GRID2: variants seen among roughly 807,000 people sequenced by gnomAD.
GRID2 encodes the protein glutamate ionotropic receptor delta type subunit 2, also known as glutamate receptor ionotropic, delta-2.
In GRID2, 33 loss-of-function variants were observed where a neutral mutation model predicts 114.8. The ratio of observed to expected loss-of-function variants is 0.29; its 90% CI spans 0.22 to 0.38. The LOEUF (loss-of-function observed/expected upper bound fraction) is 0.38, where lower values mean the gene tolerates loss of function less well. Ranked by LOEUF, GRID2 falls within the 10% of genes least tolerant of loss-of-function variation. The probability of loss-of-function intolerance (pLI) is 1.00; values close to 1 mark genes in which losing one functional copy is unlikely to be tolerated. For synonymous variants in GRID2, 505 were observed against 449.9 expected, an observed-to-expected ratio of 1.12 and a Z score of -1.55; for missense variants, 1,184 against 1,257.7, an observed-to-expected ratio of 0.94 and a Z score of 0.89.
intron 2 of GRID2, among the ~76,000 whole-genome samples, chr4:92,829,207 G>A (rs969740668): frequency 9.9e-5 from 15 of 152,090 alleles, no homozygotes; most frequent in Admixed American, 3.9e-4. Context: ...TGTAAGGAAG[G>A]GATCCAGTTT....
intron 1 of GRID2, among the ~76,000 whole-genome samples, chr4:92,485,520 T>G (rs780732188): frequency 1.7e-4 from 25 of 150,908 alleles, no homozygotes; most frequent in South Asian, 1.0e-3. Flanking sequence ...TAAAACCCCA[T>G]TTCTACTAAA....
At chr4:92,777,597 C>A (rs1030056566) in intron 2 of GRID2, among the ~76,000 whole-genome samples, 1 of 151,924 alleles carries the variant, frequency 6.6e-6, no homozygotes, top group Non-Finnish European at 1.5e-5. Flanking sequence ...GAAGTGCTAA[C>A]CTCAACGTGA....
intron 14 of GRID2, among the ~76,000 whole-genome samples, chr4:93,630,248 A>T (rs530555832): frequency 2.0e-5 from 3 of 152,290 alleles, no homozygotes; most frequent in Admixed American, 2.0e-4. Context: ...CTTGCAGTGA[A>T]TTCTCTACCT....
intron 2 of GRID2, among the ~76,000 whole-genome samples, chr4:92,931,715 A>G (rs1242375085): frequency 1.3e-5 from 2 of 150,712 alleles, no homozygotes; most frequent in Non-Finnish European, 1.5e-5. Context: ...ACTTAATATG[A>G]TTTGATTATT....
rs546268815 is a variant in GRID2, at chr4:92,887,235, G to A, written c.245-197760G>A. 4.6e-5 allele frequency among the ~76,000 whole-genome samples: 7 copies of A among 152,334 alleles called. No homozygotes were observed. The South Asian group carries it at 1.4e-3, about 32-fold the overall frequency. On this transcript the variant is annotated intron_variant, in intron 2 of 15. Coordinates refer to ENST00000282020, the MANE Select transcript of GRID2 (RefSeq NM_001510.4). ...AGCAACATAATGTCTGGATGGCTCA[G>A]TATCCTTACATAGGACACCCAGAGG...
chr4:92,581,426 T>C (rs971878545), intron 1 of GRID2, among the ~76,000 whole-genome samples: 1 of 152,076 alleles, frequency 6.6e-6, no homozygotes, highest in African/African-American at 2.4e-5. Context: ...GCACCCTACA[T>C]TTCCTTTTCT....
At chr4:93,442,837 C>T (rs146201031) in intron 10 of GRID2, among the ~76,000 whole-genome samples, 28 of 152,058 alleles carry the variant, frequency 1.8e-4, no homozygotes, top group African/African-American at 6.0e-4. Flanking sequence ...TAATGGGTAC[C>T]TCAAACATTA....
intron 8 of GRID2, among the ~76,000 whole-genome samples, chr4:93,338,199 AT>A (rs1186092013): frequency 2.0e-5 from 3 of 152,014 alleles, no homozygotes; most frequent in African/African-American, 4.8e-5. Context: ...ATATTTTCTC[AT>A]TTTTTTGGTG....
chr4:93,003,968 G>C (rs1721257977), intron 2 of GRID2, among the ~76,000 whole-genome samples: 2 of 151,924 alleles, frequency 1.3e-5, no homozygotes, highest in South Asian at 4.1e-4. Context: ...GCTTGTGTGT[G>C]GGTGGATTTG....
intron 14 of GRID2, among the ~76,000 whole-genome samples, chr4:93,677,540 C>T (rs941846478): frequency 1.3e-5 from 2 of 152,182 alleles, no homozygotes; most frequent in African/African-American, 2.4e-5. Flanking sequence ...CCAGTAGGGG[C>T]AGACTGACAC....
rs116512764 is a variant in GRID2 at position 92,715,031 on chromosome 4, C to T, written c.244+124745C>T. Among the ~76,000 whole-genome samples the T allele has an allele frequency of 9.1e-3, 1,386 of 152,244 alleles. 22 individuals are homozygous for T. Among genetic ancestry groups the T allele is most frequent in the African/African-American group, 0.032 (1,316 of 41,536 alleles). ...TCTTTTCTATCATATTGTCAGGTTG[C>T]GAATTTTCCAAACTTTTATGCTCTC... On this transcript the variant is annotated intron_variant, in intron 2 of 15. Coordinates refer to ENST00000282020, the MANE Select transcript of GRID2 (RefSeq NM_001510.4).
At chr4:93,684,377 T>C (rs1725884254) in intron 14 of GRID2, among the ~76,000 whole-genome samples, 1 of 152,156 alleles carries the variant, frequency 6.6e-6, no homozygotes, top group Non-Finnish European at 1.5e-5. Flanking sequence ...ATATGCTTAA[T>C]TGACATAATA....
chr4:92,348,488 A>T (rs527277816), intron 1 of GRID2, among the ~76,000 whole-genome samples: 34 of 152,320 alleles, frequency 2.2e-4, no homozygotes, highest in African/African-American at 7.9e-4. Context: ...TTCCTGAGGC[A>T]TGTTTGAATT....
chr4:92,633,400 A>G (rs538221289), intron 2 of GRID2, among the ~76,000 whole-genome samples: 1 of 152,290 alleles, frequency 6.6e-6, no homozygotes, highest in African/African-American at 2.4e-5. Context: ...GGGAGACACA[A>G]CAAAGGGAAC....
intron 8 of GRID2, among the ~76,000 whole-genome samples, chr4:93,332,281 T>TGC: frequency 8.1e-6 from 1 of 123,804 alleles, no homozygotes; most frequent in Non-Finnish European, 1.6e-5. Context: ...TGTGTGTGTG[T>TGC]GTGTGTGTGT....
chr4:92,701,424 A>T (rs1187803262), intron 2 of GRID2, among the ~76,000 whole-genome samples: 4 of 152,154 alleles, frequency 2.6e-5, no homozygotes, highest in Non-Finnish European at 4.4e-5. Flanking sequence ...TTAAAATGAG[A>T]CAAAGTACTC....
intron 2 of GRID2, among the ~76,000 whole-genome samples, chr4:92,927,200 A>G (rs1279072800): frequency 1.3e-5 from 2 of 151,876 alleles, no homozygotes; most frequent in South Asian, 2.1e-4. Flanking sequence ...ATTATTTTCT[A>G]CAGTTAAAGA....
At chr4:92,851,425 T>C (rs1316966264) in intron 2 of GRID2, among the ~76,000 whole-genome samples, 1 of 152,010 alleles carries the variant, frequency 6.6e-6, no homozygotes, top group African/African-American at 2.4e-5. Flanking sequence ...GTTCAGTTTA[T>C]ATTTCATTGT....
chr4:93,504,115 T>C (rs1728400002), intron 12 of GRID2, among the ~76,000 whole-genome samples: 2 of 152,098 alleles, frequency 1.3e-5, no homozygotes, highest in African/African-American at 4.8e-5. Context: ...GTCTTTTATT[T>C]CCCACTATGA....
Sources: allele counts gnomAD v4.1 joint callset (sites outside exome capture counted in the v4.1 genomes callset), GRCh38; gene constraint gnomAD v4.1.1; transcripts MANE v1.5; gene names NCBI Gene and HGNC (gene_info 2026-07-23, HGNC 2026-07-21).